The following CDH6 variants were observed in gnomAD, a reference collection of about 807,000 sequenced individuals.
CDH6 encodes cadherin-6.
In CDH6, 31 loss-of-function variants were observed where a neutral mutation model predicts 78.0. The ratio of observed to expected loss-of-function variants is 0.40; its 90% CI spans 0.30 to 0.54. The LOEUF (loss-of-function observed/expected upper bound fraction) is 0.54. Among genes scored for constraint, CDH6 ranks in the 20% least tolerant of loss-of-function variants. The pLI, the probability that CDH6 is intolerant of heterozygous loss-of-function variation, is 0.56. For synonymous variants in CDH6, 376 were observed against 368.8 expected (o/e 1.02, Z -0.23); for missense variants, 724 against 975.9 (o/e 0.74, Z 3.44).
At chr5:31,322,795 T>C in intron 11 of CDH6, 23 bp from the exon 12 acceptor site, 1 of 1,590,862 alleles carries the variant, frequency 6.3e-7, no homozygotes, top group Non-Finnish European at 8.6e-7. Flanking sequence ...TCCTTCCCTT[T>C]CTGTTTTGTT....
At chr5:31,297,199 T>C (rs1341200589) in intron 3 of CDH6, 90 bp from the exon 4 acceptor site, 6 of 1,136,282 alleles carry the variant, frequency 5.3e-6, no homozygotes, top group Non-Finnish European at 7.9e-6. Context: ...GATATTTCCA[T>C]ACAAAATTAA....
At chr5:31,207,234 T>C (rs1365917590) in intron 1 of CDH6, among the ~76,000 whole-genome samples, 1 of 152,238 alleles carries the variant, frequency 6.6e-6, no homozygotes, top group Non-Finnish European at 1.5e-5. Flanking sequence ...TAAAAGCTGC[T>C]ATTTTAGAAA....
intron 1 of CDH6, among the ~76,000 whole-genome samples, chr5:31,221,913 T>C (rs1426703475): frequency 6.6e-6 from 1 of 151,798 alleles, no homozygotes; most frequent in Non-Finnish European, 1.5e-5. Flanking sequence ...CTTGCAAAAG[T>C]GGGGATCAAA....
intron 7 of CDH6, among the ~76,000 whole-genome samples, chr5:31,312,022 T>C (rs1421989610): frequency 6.6e-6 from 1 of 152,236 alleles, no homozygotes; most frequent in Admixed American, 6.5e-5. Context: ...CCCTCAAATT[T>C]ATTCAAACTC....
At chr5:31,263,254 C>T (rs1742256758) in intron 1 of CDH6, among the ~76,000 whole-genome samples, 2 of 142,020 alleles carry the variant, frequency 1.4e-5, no homozygotes, top group Non-Finnish European at 3.0e-5. Flanking sequence ...ATTCAGGTCT[C>T]TCTTCTTTTT....
chr5:31,257,055 A>G (rs907507708), intron 1 of CDH6, among the ~76,000 whole-genome samples: 2 of 152,214 alleles, frequency 1.3e-5, no homozygotes, highest in African/African-American at 4.8e-5. Context: ...CCAAACATTC[A>G]AAAGAACTTG....
intron 1 of CDH6, among the ~76,000 whole-genome samples, chr5:31,244,627 T>C (rs1416201783): frequency 6.6e-6 from 1 of 151,972 alleles, no homozygotes; most frequent in East Asian, 1.9e-4. Context: ...AGTTTATCAG[T>C]ATATAGATGT....
At chr5:31,243,929 G>T (rs546268501) in intron 1 of CDH6, among the ~76,000 whole-genome samples, 6 of 152,142 alleles carry the variant, frequency 3.9e-5, no homozygotes, top group Non-Finnish European at 8.8e-5. Flanking sequence ...TAAAGGAAAA[G>T]TTCATGATGT....
chr5:31,315,621 C>A (rs1738298306), intron 8 of CDH6, among the ~76,000 whole-genome samples: 1 of 152,224 alleles, frequency 6.6e-6, no homozygotes, highest in Non-Finnish European at 1.5e-5. Flanking sequence ...CAAGTTTGAA[C>A]CTGGACTTCA....
intron 3 of CDH6, among the ~76,000 whole-genome samples, chr5:31,295,289 T>C (rs936866307): frequency 6.6e-6 from 1 of 152,192 alleles, no homozygotes; most frequent in Admixed American, 6.5e-5. Context: ...TCACTGCTTA[T>C]AGCAGCAATA....
At chr5:31,286,639 A>T (rs1333457647) in intron 2 of CDH6, among the ~76,000 whole-genome samples, 2 of 152,038 alleles carry the variant, frequency 1.3e-5, no homozygotes, top group African/African-American at 4.8e-5. Flanking sequence ...AGGGGTGGGG[A>T]TGAGGGCTTT....
At chr5:31,222,183 A>T (rs1741020512) in intron 1 of CDH6, among the ~76,000 whole-genome samples, 1 of 152,208 alleles carries the variant, frequency 6.6e-6, no homozygotes, top group Non-Finnish European at 1.5e-5. Context: ...CACTACTTCT[A>T]GGAATGTTTT....
intron 2 of CDH6, among the ~76,000 whole-genome samples, chr5:31,270,550 A>C (rs1200779455): frequency 6.6e-6 from 1 of 152,168 alleles, no homozygotes; most frequent in Non-Finnish European, 1.5e-5. Context: ...TGGAAAACCC[A>C]GCTTTATAAA....
At position 31,326,681 on chromosome 5, in the gene CDH6, A is replaced by ATTT. The variant is rs202082546; in HGVS notation, c.*3399_*3401dup. ...AAAGAGTTGTGCAGAAAATCTTAAA[A>ATTT]TTTTTTTTTTTTTTTTTTTTTTTTT... On this transcript the variant is annotated 3_prime_UTR_variant, in exon 12 of 12. Coordinates refer to ENST00000265071, the MANE Select transcript of CDH6 (RefSeq NM_004932.4). 4.5e-3 allele frequency: 551 copies of ATTT among 123,600 alleles called. 28 individuals carry two copies. The highest frequency in any genetic ancestry group is 6.3e-3 in the East Asian group (32 of 5,100). 7.7% of individuals were successfully genotyped at this position (123,600 alleles called of 1,614,324 possible).
At chr5:31,320,603 A>C (rs1738455058) in intron 11 of CDH6, among the ~76,000 whole-genome samples, 1 of 152,182 alleles carries the variant, frequency 6.6e-6, no homozygotes, top group African/African-American at 2.4e-5. Context: ...AAGGTAGATC[A>C]TGAGCATCCC....
Position 31,294,753 on chromosome 5 carries a change from A to G in CDH6, c.523+497A>G, listed in dbSNP as rs1329891269. Among the ~76,000 whole-genome samples, 2 of 152,220 alleles carry G rather than the reference A, an allele frequency of 1.3e-5. No homozygotes were observed. The highest frequency in any genetic ancestry group is 2.4e-5 in the African/African-American group (1 of 41,456). ...TTAATCCATAAACAATAGGCACGTTATGTCTAGGGAGTGGATCCTTTACTA... is the reference window on the plus strand; with the variant it reads ...TTAATCCATAAACAATAGGCACGTTGTGTCTAGGGAGTGGATCCTTTACTA... On this transcript the variant is annotated intron_variant, in intron 3 of 11. Coordinates refer to ENST00000265071, the MANE Select transcript of CDH6 (RefSeq NM_004932.4). The surrounding 1 kb of genome is among the most constrained non-coding windows in gnomAD (Gnocchi z 4.1).
intron 9 of CDH6, 103 bp downstream of exon 9, chr5:31,316,432 T>C: frequency 9.9e-7 from 1 of 1,005,260 alleles, no homozygotes; most frequent in Non-Finnish European, 1.5e-6. Context: ...GTGAATTATC[T>C]ATGAAGTGAA....
intron 1 of CDH6, among the ~76,000 whole-genome samples, chr5:31,230,530 G>A (rs952993605): frequency 2.0e-5 from 3 of 152,124 alleles, no homozygotes; most frequent in Admixed American, 6.5e-5. Context: ...TCTTCCTGTT[G>A]CATCTTTAAG....
intron 1 of CDH6, among the ~76,000 whole-genome samples, chr5:31,223,288 C>A (rs1579828397): frequency 6.6e-6 from 1 of 152,266 alleles, no homozygotes; most frequent in East Asian, 1.9e-4. Flanking sequence ...GATGCATTTT[C>A]ATCTCTTTCT....
Sources: gnomAD v4.1 joint callset for allele counts (sites outside exome capture counted in the v4.1 genomes callset) on GRCh38, gnomAD v4.1.1 for gene constraint, Gnocchi (gnomAD v3.1) non-coding constraint, MANE v1.5 for transcripts, NCBI Gene and HGNC (gene_info 2026-07-23, HGNC 2026-07-21) for gene names.